SPOCK1: variants seen among roughly 807,000 people sequenced by gnomAD.
The protein encoded by SPOCK1 is SPARC (osteonectin), cwcv and kazal like domains proteoglycan 1.
A neutral mutation model predicts 55.3 loss-of-function variants in SPOCK1; 23 were observed. The ratio of observed to expected loss-of-function variants is 0.42; its 90% CI spans 0.30 to 0.59. The LOEUF (loss-of-function observed/expected upper bound fraction) is 0.59, where lower values mean the gene tolerates loss of function less well. SPOCK1 is among the 20% of genes least tolerant of loss of function. SPOCK1 has a pLI of 0.22. For missense variants in SPOCK1, 499 were observed against 552.5 expected (o/e 0.90, Z 0.97); for synonymous variants, 226 against 221.0 (o/e 1.02, Z -0.20).
chr5:137,311,323 G>A (rs1031580728), intron 2 of SPOCK1, among the ~76,000 whole-genome samples: 63 of 152,176 alleles, frequency 4.1e-4, no homozygotes, highest in African/African-American at 1.4e-3. Context: ...GGGAAGGAGG[G>A]TGACTGCAAA....
At chr5:137,250,862 G>C (rs1353510811) in intron 3 of SPOCK1, among the ~76,000 whole-genome samples, 1 of 152,178 alleles carries the variant, frequency 6.6e-6, no homozygotes, top group Non-Finnish European at 1.5e-5. Context: ...GCCTGTATTA[G>C]CTCACTGATT....
At chr5:136,984,159 A>C (rs2126959446) in intron 9 of SPOCK1, among the ~76,000 whole-genome samples, 1 of 152,314 alleles carries the variant, frequency 6.6e-6, no homozygotes, top group South Asian at 2.1e-4. Flanking sequence ...TGTAGGCCTA[A>C]AGAGTTCGAA....
chr5:137,382,037 C>T (rs547032444), intron 2 of SPOCK1, among the ~76,000 whole-genome samples: 152 of 152,312 alleles, frequency 1.0e-3, no homozygotes, highest in Middle Eastern at 3.4e-3. Flanking sequence ...TAGAAACAAC[C>T]AGGTCACATC....
In SPOCK1 at chr5:137,115,291, A is replaced by G. The variant is rs80182080; in HGVS notation, c.348-2730T>C. ...AACACCTTAAAACTACTCTACTTCA[A>G]TAACTTTATTTTCTAGGTGAGAAAC... On this transcript the variant is annotated intron_variant, in intron 4 of 10. Coordinates refer to ENST00000394945, the MANE Select transcript of SPOCK1 (RefSeq NM_004598.4). 4.1e-3 allele frequency among the ~76,000 whole-genome samples: 623 copies of G among 152,268 alleles called. 8 individuals carry two copies. Among genetic ancestry groups the G allele is most frequent in the Middle Eastern group, 0.027 (8 of 294 alleles).
At chr5:137,249,094 G>GT (rs1756457954) in intron 3 of SPOCK1, among the ~76,000 whole-genome samples, 1 of 152,180 alleles carries the variant, frequency 6.6e-6, no homozygotes, top group African/African-American at 2.4e-5. Context: ...AACTGGAAGC[G>GT]TTAAAGGAGG....
At chr5:137,215,180 G>C (rs1755692907) in intron 3 of SPOCK1, among the ~76,000 whole-genome samples, 1 of 152,170 alleles carries the variant, frequency 6.6e-6, no homozygotes, top group Admixed American at 6.5e-5. Context: ...TCACATCTAA[G>C]ACATATGAGA....
intron 2 of SPOCK1, among the ~76,000 whole-genome samples, chr5:137,467,122 A>G (rs1427337014): frequency 6.6e-6 from 1 of 152,260 alleles, no homozygotes; most frequent in East Asian, 1.9e-4. Flanking sequence ...AACTTACAGC[A>G]TGGCCACTGG....
Position 137,151,340 on chromosome 5 carries a change from T to C in SPOCK1, c.233-10646A>G, listed in dbSNP as rs143505622. Among the ~76,000 whole-genome samples, 336 of 152,254 alleles carry C rather than the reference T, an allele frequency of 2.2e-3. 2 individuals carry two copies. The highest frequency in any genetic ancestry group is 7.4e-3 in the African/African-American group (307 of 41,576). On this transcript the variant is annotated intron_variant, in intron 3 of 10. Coordinates refer to ENST00000394945, the MANE Select transcript of SPOCK1 (RefSeq NM_004598.4). ...ATCAATGATCTATTATGGAATAGAA[T>C]GCAAAATGTATATAAACTTGTATAG...
chr5:137,147,268 G>A (rs1398777975), intron 3 of SPOCK1, among the ~76,000 whole-genome samples: 5 of 151,986 alleles, frequency 3.3e-5, no homozygotes, highest in Non-Finnish European at 5.9e-5. Context: ...AGAGAAAAGG[G>A]AAAAAAGAAA....
In SPOCK1 at chr5:137,224,004, A is replaced by C. The variant is rs558689892; in HGVS notation, c.232+43006T>G. ...TTTATTCCTGAGGTCTTTTTCCCCT[A>C]ACTAATGATGCCAGAGAGATTCCAA... On this transcript the variant is annotated intron_variant, in intron 3 of 10. Transcript: ENST00000394945. 2.6e-5 allele frequency among the ~76,000 whole-genome samples: 4 copies of C among 152,318 alleles called. No homozygotes were observed. In the East Asian group the frequency reaches 7.7e-4, roughly 29 times the overall value.
intron 6 of SPOCK1, among the ~76,000 whole-genome samples, chr5:137,025,265 C>G (rs748907042): frequency 1.2e-4 from 18 of 152,088 alleles, no homozygotes; most frequent in Admixed American, 2.6e-4. Context: ...ATCCCTTTTC[C>G]AGGCCTTATC....
At chr5:137,366,891 A>G (rs751222969) in intron 2 of SPOCK1, among the ~76,000 whole-genome samples, 14 of 152,198 alleles carry the variant, frequency 9.2e-5, no homozygotes, top group Non-Finnish European at 1.8e-4. Context: ...CAAAACAAGA[A>G]AAGTATCAGA....
intron 2 of SPOCK1, among the ~76,000 whole-genome samples, chr5:137,272,356 C>A (rs1561490085): frequency 6.6e-6 from 1 of 152,152 alleles, no homozygotes; most frequent in African/African-American, 2.4e-5. Flanking sequence ...GATTTCCAGA[C>A]CATTATGTAA....
intron 2 of SPOCK1, among the ~76,000 whole-genome samples, chr5:137,472,281 T>C (rs911199893): frequency 6.6e-6 from 1 of 151,758 alleles, no homozygotes; most frequent in Admixed American, 6.6e-5. Flanking sequence ...CATCACACTA[T>C]CTTCTCTTCA....
At chr5:137,140,542 T>C (rs780401999) in intron 4 of SPOCK1, 38 bp downstream of exon 4, 2 of 1,549,022 alleles carry the variant, frequency 1.3e-6, no homozygotes, top group Non-Finnish European at 1.8e-6. Flanking sequence ...AGCTGCAGAA[T>C]GCCTCCCAGC....
At chr5:137,338,617 T>G (rs1254521412) in intron 2 of SPOCK1, among the ~76,000 whole-genome samples, 3 of 151,896 alleles carry the variant, frequency 2.0e-5, no homozygotes, top group African/African-American at 7.3e-5. Context: ...ATGGTTGAAC[T>G]AGTTTACAGT....
intron 6 of SPOCK1, among the ~76,000 whole-genome samples, chr5:137,034,693 C>T (rs1418744855): frequency 6.6e-6 from 1 of 152,098 alleles, no homozygotes; most frequent in East Asian, 1.9e-4. Flanking sequence ...AGGAATGAAA[C>T]CTAGGTGTGC....
chr5:137,100,439 A>T (rs1029229751), intron 5 of SPOCK1, among the ~76,000 whole-genome samples: 1 of 152,210 alleles, frequency 6.6e-6, no homozygotes, highest in African/African-American at 2.4e-5. Context: ...GTAGAAGACA[A>T]CGTGCATGAT....
At chr5:137,282,272 T>C (rs1384171165) in intron 2 of SPOCK1, among the ~76,000 whole-genome samples, 1 of 152,248 alleles carries the variant, frequency 6.6e-6, no homozygotes, top group East Asian at 1.9e-4. Context: ...TGAGGAGATT[T>C]TTAAAAATCA....
Sources: gnomAD v4.1 joint callset for allele counts (sites outside exome capture counted in the v4.1 genomes callset) on GRCh38, gnomAD v4.1.1 for gene constraint, MANE v1.5 for transcripts, NCBI Gene and HGNC (gene_info 2026-07-23, HGNC 2026-07-21) for gene names.